The following PCDH15 variants were observed in gnomAD, a reference collection of about 807,000 sequenced individuals.
PCDH15 encodes the protein protocadherin related 15.
A neutral mutation model predicts 178.5 loss-of-function variants in PCDH15; 129 were observed. The ratio of observed to expected loss-of-function variants is 0.72; its 90% CI spans 0.63 to 0.84. The LOEUF (loss-of-function observed/expected upper bound fraction) is 0.84. Among genes scored for constraint, PCDH15 ranks in the 40% least tolerant of loss-of-function variants. PCDH15 has a pLI of 0.00. For synonymous variants in PCDH15, 800 were observed against 732.0 expected (o/e 1.09, Z -1.50); for missense variants, 2,230 against 2,099.9 (o/e 1.06, Z -1.21).
intron 2 of PCDH15, among the ~76,000 whole-genome samples, chr10:55,455,811 A>G (rs1839538353): frequency 6.6e-6 from 1 of 152,142 alleles, no homozygotes; most frequent in Non-Finnish European, 1.5e-5. Flanking sequence ...ACAAGAAATG[A>G]TAACATATAA....
At chr10:54,249,744 T>A (rs1418369620) in intron 8 of PCDH15, among the ~76,000 whole-genome samples, 7 of 139,188 alleles carry the variant, frequency 5.0e-5, no homozygotes, top group African/African-American at 1.3e-4. Flanking sequence ...AAATTATCTA[T>A]TTTTTTTCAA....
At chr10:53,960,751 T>C (rs1448892694) in intron 22 of PCDH15, among the ~76,000 whole-genome samples, 1 of 152,174 alleles carries the variant, frequency 6.6e-6, no homozygotes, top group Non-Finnish European at 1.5e-5. Context: ...ATTTACAAAC[T>C]GATCAGCTGT....
intron 2 of PCDH15, among the ~76,000 whole-genome samples, chr10:55,015,532 C>T (rs1564717439): frequency 6.6e-6 from 1 of 152,100 alleles, no homozygotes; most frequent in Non-Finnish European, 1.5e-5. Context: ...GAGGATAGGT[C>T]CAATTGCTGG....
intron 3 of PCDH15, among the ~76,000 whole-genome samples, chr10:54,894,963 T>A (rs1284144588): frequency 6.6e-6 from 1 of 152,198 alleles, no homozygotes; most frequent in African/African-American, 2.4e-5. Flanking sequence ...TCCATCACTC[T>A]TAGAAGTTCT....
intron 21 of PCDH15, among the ~76,000 whole-genome samples, chr10:53,983,076 C>A (rs959349303): frequency 2.6e-5 from 4 of 151,758 alleles, no homozygotes; most frequent in Admixed American, 6.6e-5. Flanking sequence ...ATATTTTACC[C>A]CGACATGGTT....
intron 3 of PCDH15, among the ~76,000 whole-genome samples, chr10:54,495,475 G>T (rs2080025914): frequency 6.6e-6 from 1 of 152,078 alleles, no homozygotes; most frequent in South Asian, 2.1e-4. Context: ...TCCATAATAA[G>T]TACTGAATAA....
chr10:54,191,533 G>A (rs2048985481), intron 11 of PCDH15, among the ~76,000 whole-genome samples: 1 of 152,098 alleles, frequency 6.6e-6, no homozygotes, highest in Admixed American at 6.6e-5. Context: ...CCAAAACTCA[G>A]GCCACAAAAA....
intron 8 of PCDH15, among the ~76,000 whole-genome samples, chr10:54,256,449 T>G (rs554062464): frequency 1.3e-5 from 2 of 152,334 alleles, no homozygotes; most frequent in South Asian, 4.1e-4. Context: ...GACTAACATT[T>G]ATTGATACTC....
chr10:55,267,460 G>T (rs16907186), intron 1 of PCDH15, among the ~76,000 whole-genome samples: 26,871 of 152,040 alleles, frequency 0.18, 3,326 homozygotes, highest in East Asian at 0.37. Flanking sequence ...ATTAAGTGCA[G>T]GTTAGCCAAA....
intron 1 of PCDH15, among the ~76,000 whole-genome samples, chr10:55,308,905 G>A (rs1294121545): frequency 6.6e-6 from 1 of 152,164 alleles, no homozygotes; most frequent in Non-Finnish European, 1.5e-5. Flanking sequence ...TTGGAGGTCA[G>A]TTTGCAAGGA....
In PCDH15 at chr10:55,257,747, T is replaced by A. The variant is rs376284188; in HGVS notation, c.-156+61852A>T. ...GTGAAAAGACCAAATCTACATCTGATTGGTGTACCTGAAAGTGATGGGGAG... is the reference window on the plus strand; with the variant it reads ...GTGAAAAGACCAAATCTACATCTGAATGGTGTACCTGAAAGTGATGGGGAG... On this transcript the variant is annotated intron_variant, in intron 1 of 5. Coordinates refer to the PCDH15 transcript ENST00000458638. Among the ~76,000 whole-genome samples, 998 of 152,186 alleles carry A rather than the reference T, an allele frequency of 6.6e-3. 10 individuals are homozygous for A. Among genetic ancestry groups the A allele is most frequent in the African/African-American group, 0.022 (928 of 41,544 alleles).
chr10:55,622,130 T>TTA (rs375256616), intron 2 of PCDH15, among the ~76,000 whole-genome samples: 1 of 60,876 alleles, frequency 1.6e-5, no homozygotes, highest in Non-Finnish European at 3.5e-5. Flanking sequence ...AATATATATA[T>TTA]TATATATATT....
At chr10:54,247,094 C>T (rs186374821) in intron 8 of PCDH15, among the ~76,000 whole-genome samples, 1 of 151,514 alleles carries the variant, frequency 6.6e-6, no homozygotes, top group East Asian at 1.9e-4. Context: ...ATATTTAGAC[C>T]CTATTAGTGT....
rs542588363 is a variant in PCDH15, at chr10:55,243,783, T to C, written c.-156+75816A>G. Among the ~76,000 whole-genome samples the C allele has an allele frequency of 5.0e-4, 76 of 152,284 alleles. 2 individuals are homozygous for C. In the South Asian group the frequency reaches 0.015, roughly 31 times the overall value. Reference sequence around the variant, plus strand: ...CTTTATTTCCAAATTCAGAACAGCTTTGACTCAAATCACTGAACATTGGGC... The same window carrying C: ...CTTTATTTCCAAATTCAGAACAGCTCTGACTCAAATCACTGAACATTGGGC... On this transcript the variant is annotated intron_variant, in intron 1 of 5. Coordinates refer to the PCDH15 transcript ENST00000458638.
intron 2 of PCDH15, among the ~76,000 whole-genome samples, chr10:54,981,950 T>A (rs191027031): frequency 6.6e-6 from 1 of 151,738 alleles, no homozygotes. Flanking sequence ...TTTTTTTTTC[T>A]TTATAGAAGA....
Position 54,153,120 on chromosome 10 carries a change from A to G in PCDH15, c.1764T>C (p.Asn588=). 6.2e-7 allele frequency: 1 copy of G among 1,613,822 alleles called. No homozygotes were observed. The highest frequency in any genetic ancestry group is 8.5e-7 in the Non-Finnish European group (1 of 1,179,836). ...ATTACCTTCGCTCTGCAGGAGGAGC[A>G]TTATCCGCTGCTTGGACCGTGAGTG... ...TYALTVQAAD[N]APPAERRNSI... is the part of the protein sequence containing the mutation. Residue 588 remains asparagine, a synonymous_variant, in exon 14 of 38, where the codon AAT becomes AAC. Transcript: ENST00000644397.
At chr10:54,829,686 A>G (rs1321035156) in intron 3 of PCDH15, among the ~76,000 whole-genome samples, 1 of 152,074 alleles carries the variant, frequency 6.6e-6, no homozygotes, top group Non-Finnish European at 1.5e-5. Context: ...CTAGGCTTCC[A>G]TGTATCCATG....
intron 1 of PCDH15, among the ~76,000 whole-genome samples, chr10:55,256,746 CCCA>C (rs1842010833): frequency 6.6e-6 from 1 of 152,164 alleles, no homozygotes; most frequent in African/African-American, 2.4e-5. Flanking sequence ...CTGGGTGGAG[CCCA>C]CCGCAGCTCA....
intron 2 of PCDH15, among the ~76,000 whole-genome samples, chr10:55,454,660 C>G (rs1055926490): frequency 6.6e-6 from 1 of 150,452 alleles, no homozygotes; most frequent in Non-Finnish European, 1.5e-5. Context: ...TGGCGGGTGC[C>G]TGTAGTCCCA....
Sources: gnomAD v4.1 joint callset for allele counts (sites outside exome capture counted in the v4.1 genomes callset) on GRCh38, gnomAD v4.1.1 for gene constraint, MANE v1.5 for transcripts, NCBI Gene and HGNC (gene_info 2026-07-23, HGNC 2026-07-21) for gene names.